Variants in SMAD2 observed in about 807,000 individuals in gnomAD.
SMAD2 encodes the protein MAD homolog 2.
SMAD2 carries 8 observed loss-of-function variants against 64.4 expected under a neutral mutation model. That is an observed-to-expected ratio of 0.12 (90% confidence interval 0.07 to 0.22). The LOEUF (loss-of-function observed/expected upper bound fraction) is 0.22. Ranked by LOEUF, SMAD2 falls within the 10% of genes least tolerant of loss-of-function variation. The pLI, the probability that SMAD2 is intolerant of heterozygous loss-of-function variation, is 1.00. For synonymous variants in SMAD2, 203 were observed against 195.8 expected, an observed-to-expected ratio of 1.04 and a Z score of -0.31; for missense variants, 289 against 561.2, an observed-to-expected ratio of 0.51 and a Z score of 4.90.
intron 1 of SMAD2, among the ~76,000 whole-genome samples, chr18:47,904,105 A>C (rs1220187425): frequency 1.3e-5 from 2 of 151,930 alleles, no homozygotes; most frequent in African/African-American, 4.8e-5. Context: ...GAGCTAGGAT[A>C]ACAGTTAAAA....
At chr18:47,878,076 G>A (rs894830921) in intron 2 of SMAD2, among the ~76,000 whole-genome samples, 2 of 152,006 alleles carry the variant, frequency 1.3e-5, no homozygotes, top group East Asian at 1.9e-4. Flanking sequence ...TGTGCATTCC[G>A]GTATGTCAGG....
intron 1 of SMAD2, among the ~76,000 whole-genome samples, chr18:47,898,454 G>A (rs2033537532): frequency 6.6e-6 from 1 of 151,978 alleles, no homozygotes; most frequent in Non-Finnish European, 1.5e-5. Flanking sequence ...ATTTTTAAAG[G>A]AAAAAAACAG....
At chr18:47,879,215 AT>A (rs1188061853) in intron 2 of SMAD2, among the ~76,000 whole-genome samples, 1 of 152,166 alleles carries the variant, frequency 6.6e-6, no homozygotes, top group Non-Finnish European at 1.5e-5. Flanking sequence ...TTTAGGTTAA[AT>A]TTACACAGCA....
At chr18:47,850,481 T>A (rs1025346820) in intron 7 of SMAD2, among the ~76,000 whole-genome samples, 7 of 16,026 alleles carry the variant, frequency 4.4e-4, no homozygotes, top group Middle Eastern at 0.05. Flanking sequence ...ATATTATATA[T>A]TATATATTAT....
rs761858331 is a variant in SMAD2, at chr18:47,841,865, T to C, written c.1366A>G (p.Met456Val). The change falls in exon 11 of 11, where the codon ATG (methionine) becomes GTG (valine). Residue 456 changes from methionine (M) to valine (V), a missense_variant. Met to Val is a conservative substitution (Grantham distance 21, BLOSUM62 1). Transcript: ENST00000262160. ...GAGCAACGCACTGAAGGGGATCCCA[T>C]CTGAGTTAATACTTTGTCCAACCAC... ...LQWLDKVLTQ[M>V]GSPSVRCSSM... 2 of 1,614,136 alleles carry C rather than the reference T, an allele frequency of 1.2e-6. No individual in the cohort carries two copies. Among genetic ancestry groups the C allele is most frequent in the South Asian group, 1.1e-5 (1 of 91,080 alleles).
Position 47,841,103 on chromosome 18 carries a change from A to T in SMAD2, c.*724T>A. ...ATGGGAATGGAAAAAAGAGGCTTGG[A>T]AAGGTTTTCAGTATGGTTTCCTTAT... On this transcript the variant is annotated 3_prime_UTR_variant, in exon 11 of 11. Transcript: ENST00000262160. 1.7e-5 allele frequency: 4 copies of T among 232,524 alleles called. No individual in the cohort carries two copies. In the East Asian group the frequency reaches 2.4e-4, roughly 14 times the overall value. The allele number at this position is 232,524 out of a possible 1,614,324, so 14.4% of individuals were successfully genotyped here. A position where few individuals can be genotyped will look rare whatever the true frequency, so the allele number is the denominator to read the frequency against.
At chr18:47,883,638 C>T (rs963414972) in intron 2 of SMAD2, among the ~76,000 whole-genome samples, 8 of 151,938 alleles carry the variant, frequency 5.3e-5, no homozygotes, top group Admixed American at 1.3e-4. Context: ...TTTTAAGTTC[C>T]TTTATTAAGC....
intron 2 of SMAD2, among the ~76,000 whole-genome samples, chr18:47,891,917 A>G (rs927339746): frequency 6.6e-6 from 1 of 152,196 alleles, no homozygotes; most frequent in Non-Finnish European, 1.5e-5. Flanking sequence ...AGAAAAAAAA[A>G]TACAGGACTT....
intron 1 of SMAD2, among the ~76,000 whole-genome samples, chr18:47,901,688 C>G (rs560009427): frequency 6.6e-6 from 1 of 152,260 alleles, no homozygotes; most frequent in East Asian, 1.9e-4. Context: ...AATCATAGAA[C>G]ACTGCTGAGT....
chr18:47,842,545 G>A (rs187348604), intron 10 of SMAD2, among the ~76,000 whole-genome samples: 2 of 152,032 alleles, frequency 1.3e-5, no homozygotes, highest in Non-Finnish European at 2.9e-5. Context: ...TCTCGGGGTG[G>A]GGGGCAGAAA....
At chr18:47,858,585 ATATTTT>A (rs2030916346) in intron 6 of SMAD2, among the ~76,000 whole-genome samples, 1 of 152,216 alleles carries the variant, frequency 6.6e-6, no homozygotes, top group African/African-American at 2.4e-5. Flanking sequence ...TGGGGTTTAT[ATATTTT>A]TATTAAGTAA....
intron 1 of SMAD2, among the ~76,000 whole-genome samples, chr18:47,902,342 T>TA (rs1404019993): frequency 6.6e-6 from 1 of 152,220 alleles, no homozygotes; most frequent in Non-Finnish European, 1.5e-5. Flanking sequence ...TTCTAGTTGT[T>TA]TTATTAAGAG....
intron 2 of SMAD2, among the ~76,000 whole-genome samples, chr18:47,883,115 T>G (rs2032704646): frequency 6.6e-6 from 1 of 152,190 alleles, no homozygotes; most frequent in African/African-American, 2.4e-5. Flanking sequence ...CTATTTTATC[T>G]TTTTAGGTAA....
At chr18:47,920,200 G>T (rs1265913730) in intron 1 of SMAD2, 1 of 152,082 alleles carries the variant, frequency 6.6e-6, no homozygotes, top group African/African-American at 2.4e-5. Context: ...GCTAACAACG[G>T]TCTCTTTTAT....
At chr18:47,926,689 T>C (rs1452971776) in intron 1 of SMAD2, among the ~76,000 whole-genome samples, 2 of 152,240 alleles carry the variant, frequency 1.3e-5, no homozygotes, top group Admixed American at 6.5e-5. Flanking sequence ...CTGGGACAAT[T>C]TGGCTATCCC....
rs776149698 is a variant in SMAD2, at chr18:47,848,511, G to A, written c.961C>T (p.Arg321Ter). 2 of 1,613,726 alleles carry A rather than the reference G, an allele frequency of 1.2e-6. No homozygotes were observed. ...FCLGLLSNVN[R>*]NATVEMTRRH... The stretch of plus-strand genomic sequence containing the variant: ...CTTGTCATTTCTACCGTGGCATTTC[G>A]GTTAACATTGGAGAGTAAACCTAAG... The change falls in exon 8 of 11, where the codon CGA (arginine) becomes TGA (stop). Residue 321 changes from arginine (R) to a stop codon, truncating the protein, a stop_gained. Transcript: ENST00000262160. LOFTEE classifies it high-confidence loss of function.
At chr18:47,901,491 G>T (rs938405662) in intron 1 of SMAD2, among the ~76,000 whole-genome samples, 8 of 151,906 alleles carry the variant, frequency 5.3e-5, no homozygotes, top group African/African-American at 9.7e-5. Context: ...TAATTTAGTT[G>T]CCTGCTTGTT....
rs58440360 is a variant in SMAD2 at position 47,879,495 on chromosome 18, C to CGTGTGTGTGTGTGTGTGTGTGT, written c.237-8953_237-8932dup. Among the ~76,000 whole-genome samples the CGTGTGTGTGTGTGTGTGTGTGT allele has an allele frequency of 1.5e-3, 207 of 141,440 alleles. 2 individuals are homozygous for CGTGTGTGTGTGTGTGTGTGTGT. The highest frequency in any genetic ancestry group is 6.8e-3 in the South Asian group (27 of 3,962). The allele number at this position is 141,440 out of a possible 152,430, so 92.8% of individuals were successfully genotyped here. ...GATTCATCCATGTTAATGTATATGA[C>CGTGTGTGTGTGTGTGTGTGTGT]GTGTGTGTGTGTGTGTGTGTGTGTG... On this transcript the variant is annotated intron_variant, in intron 2 of 10. Transcript: ENST00000262160.
intron 1 of SMAD2, among the ~76,000 whole-genome samples, chr18:47,897,723 T>G (rs2033503611): frequency 1.3e-5 from 2 of 152,190 alleles, no homozygotes; most frequent in Non-Finnish European, 1.5e-5. Flanking sequence ...CTCAATTTTC[T>G]AGACTCCACT....
Sources: gnomAD v4.1 joint callset for allele counts (sites outside exome capture counted in the v4.1 genomes callset) on GRCh38, gnomAD v4.1.1 for gene constraint, MANE v1.5 for transcripts, NCBI Gene and HGNC (gene_info 2026-07-23, HGNC 2026-07-21) for gene names.